WNT9A: variants seen among roughly 807,000 people sequenced by gnomAD.
The protein encoded by WNT9A is Wnt family member 9A.
A neutral mutation model predicts 31.4 loss-of-function variants in WNT9A; 8 were observed. That is an observed-to-expected ratio of 0.26 (90% CI 0.15 to 0.46). WNT9A has a LOEUF of 0.46. Among genes scored for constraint, WNT9A ranks in the 20% least tolerant of loss-of-function variants. The probability of loss-of-function intolerance (pLI) is 0.99; values close to 1 mark genes in which losing one functional copy is unlikely to be tolerated. For synonymous variants in WNT9A, 236 were observed against 220.1 expected, an observed-to-expected ratio of 1.07 and a Z score of -0.64; for missense variants, 457 against 522.9, an observed-to-expected ratio of 0.87 and a Z score of 1.23.
At chr1:227,937,410 T>C (rs532385134) in intron 1 of WNT9A, among the ~76,000 whole-genome samples, 2 of 152,296 alleles carry the variant, frequency 1.3e-5, no homozygotes, top group South Asian at 4.1e-4. Context: ...CTACAGTAGG[T>C]GGAATGGTGT....
rs777039521 is a variant in WNT9A, at chr1:227,925,397, C to T, written c.218G>A (p.Arg73His). The change falls in exon 2 of 4, where the codon CGC becomes CAC. Residue 73 changes from arginine to histidine, a missense_variant. Transcript: ENST00000272164. The surrounding 1 kb of genome is among the most constrained non-coding windows in gnomAD (Gnocchi z 6.0). The stretch of plus-strand genomic sequence containing the variant: ...CGTCTCTGCCACGCCCGGGTCCCGG[C>T]GGCACATGCGCCGCTGCTTCCGCTC... ...KLERKQRRMCRRDPGVAETLV... is the reference protein window; with the variant it reads ...KLERKQRRMCHRDPGVAETLV... The T allele has an allele frequency of 1.2e-5, 19 of 1,609,592 alleles. No homozygotes were observed. The highest frequency in any genetic ancestry group is 2.2e-5 in the South Asian group (2 of 90,664).
chr1:227,923,476 A>G (rs1422512814), intron 3 of WNT9A, among the ~76,000 whole-genome samples: 1 of 152,192 alleles, frequency 6.6e-6, no homozygotes, highest in African/African-American at 2.4e-5. Flanking sequence ...AGCATGAAGG[A>G]TGACCAGAGA....
rs1161629913 is a variant in WNT9A at position 227,926,387 on chromosome 1, GC to G, written c.96-869del. Among the ~76,000 whole-genome samples, 1 of 152,022 alleles carries G rather than the reference GC, an allele frequency of 6.6e-6. No individual in the cohort carries two copies. Among genetic ancestry groups the G allele is most frequent in the Non-Finnish European group, 1.5e-5 (1 of 67,992 alleles). ...CCAGCTGGCTGCTGGCTCACCTGCT[GC>G]TGCTGCTGGGCTCACTTCACAAGGC... is the stretch of plus-strand genomic sequence containing the variant. On this transcript the variant is annotated intron_variant, in intron 1 of 3. Coordinates refer to ENST00000272164, the MANE Select transcript of WNT9A (RefSeq NM_003395.4). The surrounding 1 kb of genome is among the most constrained non-coding windows in gnomAD (Gnocchi z 5.0).
chr1:227,929,561 C>T (rs957626583), intron 1 of WNT9A, among the ~76,000 whole-genome samples: 4 of 152,112 alleles, frequency 2.6e-5, no homozygotes, highest in South Asian at 4.1e-4. Flanking sequence ...AGGCTGGGTG[C>T]GATGGCTCAC....
intron 3 of WNT9A, among the ~76,000 whole-genome samples, chr1:227,923,340 G>C (rs1666358078): frequency 6.6e-6 from 1 of 152,168 alleles, no homozygotes; most frequent in Admixed American, 6.5e-5. Context: ...TTCCAATAGA[G>C]GTGTCAACCC....
Position 227,919,726 on chromosome 1 carries a change from C to CACACA in WNT9A, c.*1791_*1792insTGTGT. On this transcript the variant is annotated 3_prime_UTR_variant, in exon 4 of 4. Coordinates refer to ENST00000272164, the MANE Select transcript of WNT9A (RefSeq NM_003395.4). ...ACACACACACACACACACACACAGACCATGCCAGCATGCATTTATACAACA... is the reference window on the plus strand; with the variant it reads ...ACACACACACACACACACACACAGACACACACATGCCAGCATGCATTTATACAACA... 7.6e-6 allele frequency: 1 copy of CACACA among 131,478 alleles called. No homozygotes were observed. Among genetic ancestry groups the CACACA allele is most frequent in the African/African-American group, 2.8e-5 (1 of 35,746 alleles). The allele number at this position is 131,478 out of a possible 1,614,324, so 8.1% of individuals were successfully genotyped here.
At chr1:227,940,946 T>C (rs935156888) in intron 1 of WNT9A, among the ~76,000 whole-genome samples, 7 of 152,230 alleles carry the variant, frequency 4.6e-5, no homozygotes, top group African/African-American at 1.7e-4. Flanking sequence ...CCTGCCACCC[T>C]GCCCGGCCTG....
chr1:227,922,268 A>G (rs1416405281), intron 3 of WNT9A, among the ~76,000 whole-genome samples: 1 of 152,048 alleles, frequency 6.6e-6, no homozygotes, highest in African/African-American at 2.4e-5. Context: ...CATCTCCACA[A>G]TGGGAGGCTC....
chr1:227,925,658 G>C lies in WNT9A; in HGVS notation c.96-139C>G. The C allele has an allele frequency of 7.4e-7, 1 of 1,342,562 alleles. No homozygotes were observed. Among genetic ancestry groups the C allele is most frequent in the Non-Finnish European group, 9.8e-7 (1 of 1,021,094 alleles). 83.2% of individuals were successfully genotyped at this position (1,342,562 alleles called of 1,614,324 possible). On this transcript the variant is annotated intron_variant, in intron 1 of 3. Transcript: ENST00000272164. This position sits in a 1 kb window ranked among gnomAD's most constrained non-coding sequence, Gnocchi z 6.0. ...GGCAGAAAGAATCCAGGATGAGCCAGGCAGGGGAGAGGGAGGCGAGAAGGG... is the reference window on the plus strand; with the variant it reads ...GGCAGAAAGAATCCAGGATGAGCCACGCAGGGGAGAGGGAGGCGAGAAGGG...
intron 1 of WNT9A, 38 bp downstream of exon 1, chr1:227,947,755 C>T: frequency 9.5e-7 from 1 of 1,052,408 alleles, no homozygotes. Flanking sequence ...CCCGCCGCCC[C>T]CGCCCACCAG....
chr1:227,944,140 C>T (rs953222211), intron 1 of WNT9A, among the ~76,000 whole-genome samples: 11 of 152,136 alleles, frequency 7.2e-5, no homozygotes, highest in East Asian at 1.9e-4. Flanking sequence ...TCCAGATGTC[C>T]GTCAACTGAT....
At position 227,921,881 on chromosome 1, in the gene WNT9A, G is replaced by C; in HGVS notation, c.735C>G (p.His245Gln). 1 of 1,613,206 alleles carries C rather than the reference G, an allele frequency of 6.2e-7. No homozygotes were observed. The highest frequency in any genetic ancestry group is 8.5e-7 in the Non-Finnish European group (1 of 1,179,940). The part of the protein sequence containing the change: ...PFHEVGKHLK[H>Q]KYETALKVGS... ...CCACCTTGAGTGCCGTCTCATACTT[G>C]TGCTTCAGATGCTTGCCCACCTCAT... Residue 245 changes from histidine (H) to glutamine (Q), a missense_variant, in exon 4 of 4, where the codon CAC becomes CAG. His to Gln is a conservative substitution (Grantham distance 24). Transcript: ENST00000272164.
intron 1 of WNT9A, among the ~76,000 whole-genome samples, chr1:227,940,824 G>A (rs142408303): frequency 2.6e-5 from 4 of 152,370 alleles, no homozygotes; most frequent in Admixed American, 6.5e-5. Flanking sequence ...AGCCAGCCAG[G>A]ACCATGCCGG....
rs1538009 is a variant in WNT9A, at chr1:227,926,146, T to C, written c.96-627A>G. On this transcript the variant is annotated intron_variant, in intron 1 of 3. Coordinates refer to ENST00000272164, the MANE Select transcript of WNT9A (RefSeq NM_003395.4). The surrounding 1 kb of genome is among the most constrained non-coding windows in gnomAD (Gnocchi z 5.0). ...GAAGCAGCTCTTGGTTCTCTGACAC[T>C]CTACCCCTCTCACCTCACCAAATCT... is the stretch of plus-strand genomic sequence containing the variant. Among the ~76,000 whole-genome samples, 395 of 152,176 alleles carry C rather than the reference T, an allele frequency of 2.6e-3. 8 individuals carry two copies. In the East Asian group the frequency reaches 0.046, roughly 18 times the overall value.
intron 1 of WNT9A, among the ~76,000 whole-genome samples, chr1:227,927,465 C>T (rs78581709): frequency 4.6e-5 from 7 of 152,188 alleles, no homozygotes; most frequent in African/African-American, 1.7e-4. Context: ...AAGGGCAGTG[C>T]AGGCAGGTCC....
In WNT9A at chr1:227,942,258, C is replaced by T. The variant is rs1553302600; in HGVS notation, c.95+5535G>A. Among the ~76,000 whole-genome samples the T allele has an allele frequency of 6.6e-6, 1 of 152,162 alleles. No homozygotes were observed. The highest frequency in any genetic ancestry group is 1.5e-5 in the Non-Finnish European group (1 of 67,998). ...GCAGGCCAGGCACTGCTGCTCCGTCCTTACCACACACCCTCCACACCCTCC... is the reference window on the plus strand; with the variant it reads ...GCAGGCCAGGCACTGCTGCTCCGTCTTTACCACACACCCTCCACACCCTCC... On this transcript the variant is annotated intron_variant, in intron 1 of 3. Transcript: ENST00000272164. This position sits in a 1 kb window ranked among gnomAD's most constrained non-coding sequence, Gnocchi z 5.7.
chr1:227,933,715 C>T (rs920470729), intron 1 of WNT9A, among the ~76,000 whole-genome samples: 1 of 152,168 alleles, frequency 6.6e-6, no homozygotes, highest in Non-Finnish European at 1.5e-5. Context: ...GCTACTAATC[C>T]TTGACATGCA....
chr1:227,946,199 C>A (rs1323532409), intron 1 of WNT9A, among the ~76,000 whole-genome samples: 2 of 152,276 alleles, frequency 1.3e-5, no homozygotes, highest in African/African-American at 4.8e-5. Flanking sequence ...AGCTGAAACA[C>A]ACGCACACAA....
In WNT9A at chr1:227,928,823, C is replaced by G. The variant is rs1237325727; in HGVS notation, c.96-3304G>C. Among the ~76,000 whole-genome samples the G allele has an allele frequency of 1.3e-5, 2 of 152,190 alleles. No individual in the cohort carries two copies. Among genetic ancestry groups the G allele is most frequent in the Non-Finnish European group, 2.9e-5 (2 of 68,036 alleles). On this transcript the variant is annotated intron_variant, in intron 1 of 3. Coordinates refer to ENST00000272164, the MANE Select transcript of WNT9A (RefSeq NM_003395.4). The surrounding 1 kb of genome is among the most constrained non-coding windows in gnomAD (Gnocchi z 4.5). The stretch of plus-strand genomic sequence containing the variant: ...AACCTCAGAACAGAGAAGCTTTCTT[C>G]CGTGAGACTCAGAACTCAGAAGTCA...
Sources: gnomAD v4.1 joint callset for allele counts (sites outside exome capture counted in the v4.1 genomes callset) on GRCh38, gnomAD v4.1.1 for gene constraint, Gnocchi (gnomAD v3.1) non-coding constraint, MANE v1.5 for transcripts, NCBI Gene and HGNC (gene_info 2026-07-23, HGNC 2026-07-21) for gene names.